The following POU6F2 variants were observed in gnomAD, a reference collection of about 807,000 sequenced individuals.
POU6F2 encodes POU domain, class 6, transcription factor 2.
Under a neutral mutation model 71.3 loss-of-function variants are expected in POU6F2, and 31 were observed. That is an observed-to-expected ratio of 0.43 (90% CI 0.33 to 0.59). The LOEUF (loss-of-function observed/expected upper bound fraction) is 0.59. Ranked by LOEUF, POU6F2 falls within the 20% of genes least tolerant of loss-of-function variation. The pLI, the probability that POU6F2 is intolerant of heterozygous loss-of-function variation, is 0.04. For synonymous variants in POU6F2, 347 were observed against 355.7 expected (o/e 0.98, Z 0.27); for missense variants, 783 against 856.8 (o/e 0.91, Z 1.07).
intron 4 of POU6F2, among the ~76,000 whole-genome samples, chr7:39,290,300 A>G (rs1402381065): frequency 1.3e-5 from 2 of 152,110 alleles, no homozygotes; most frequent in African/African-American, 4.8e-5. Flanking sequence ...TCTTGTTGCC[A>G]CAGCCTACCT....
At chr7:39,238,117 T>C (rs773189345) in intron 4 of POU6F2, among the ~76,000 whole-genome samples, 26 of 151,942 alleles carry the variant, frequency 1.7e-4, no homozygotes, top group Non-Finnish European at 1.9e-4. Flanking sequence ...CGCTCACGGG[T>C]CCCTAAATGT....
rs146546082 is a variant in POU6F2, at chr7:39,261,563, C to T, written c.598+53943C>T. On this transcript the variant is annotated intron_variant, in intron 4 of 9. Transcript: ENST00000518318. ...TCCTCAGGTAGGAACCGTTATCAAC[C>T]CTGTTTTACAGATGAGAAAACAGGC... Among the ~76,000 whole-genome samples the T allele has an allele frequency of 4.3e-3, 650 of 152,230 alleles. 14 individuals are homozygous for T. In the South Asian group the frequency reaches 0.049, roughly 11 times the overall value.
chr7:39,020,113 C>T (rs986864063), intron 1 of POU6F2, among the ~76,000 whole-genome samples: 1 of 152,104 alleles, frequency 6.6e-6, no homozygotes, highest in African/African-American at 2.4e-5. Flanking sequence ...CCCAGACCCC[C>T]CAAAAAAGCT....
intron 1 of POU6F2, among the ~76,000 whole-genome samples, chr7:39,015,438 A>G (rs1789454908): frequency 7.8e-6 from 1 of 127,494 alleles, no homozygotes; most frequent in African/African-American, 3.0e-5. Context: ...TATATAATAT[A>G]TAATCTAATA....
intron 1 of POU6F2, among the ~76,000 whole-genome samples, chr7:39,054,781 T>TA (rs35518758): frequency 0.88 from 122,825 of 140,120 alleles, 53,940 homozygotes; most frequent in East Asian, 0.98. Flanking sequence ...TGGAGACACT[T>TA]AAAAAAAAAA....
chr7:39,221,384 CTTT>C (rs33915153), intron 4 of POU6F2, among the ~76,000 whole-genome samples: 8 of 86,332 alleles, frequency 9.3e-5, no homozygotes, highest in Non-Finnish European at 1.3e-4. Flanking sequence ...CTCTCTCTCT[CTTT>C]TTTTTTTTTT....
intron 1 of POU6F2, among the ~76,000 whole-genome samples, chr7:39,030,500 C>CTA (rs58426134): frequency 0.15 from 6,815 of 45,820 alleles, 558 homozygotes; most frequent in Non-Finnish European, 0.19. Flanking sequence ...TCAAAAAATA[C>CTA]TATATATATA....
intron 1 of POU6F2, among the ~76,000 whole-genome samples, chr7:39,041,168 A>C (rs1465692489): frequency 6.6e-6 from 1 of 151,968 alleles, no homozygotes; most frequent in East Asian, 1.9e-4. Flanking sequence ...CCTTGTTCCA[A>C]GTCAGTACAT....
At chr7:39,306,041 G>A (rs1785041912) in intron 4 of POU6F2, among the ~76,000 whole-genome samples, 1 of 151,416 alleles carries the variant, frequency 6.6e-6, no homozygotes, top group South Asian at 2.1e-4. Context: ...ACTGTAGAGA[G>A]AAACATTCCA....
At chr7:39,362,327 T>G (rs1166488073) in intron 5 of POU6F2, among the ~76,000 whole-genome samples, 2 of 151,014 alleles carry the variant, frequency 1.3e-5, no homozygotes, top group Non-Finnish European at 2.9e-5. Context: ...TTTTTTATTC[T>G]AGCACATATA....
In POU6F2 at chr7:39,086,901, T is replaced by A. The variant is rs181714202; in HGVS notation, c.277+870T>A. ...AAGCACTTTAGGGTACAGAGTGACG[T>A]TAGGTTTTCAGAACAATTGCTCCTG... On this transcript the variant is annotated intron_variant, in intron 2 of 9. Coordinates refer to ENST00000518318, the MANE Select transcript of POU6F2 (RefSeq NM_001370959.1). Among the ~76,000 whole-genome samples the A allele has an allele frequency of 1.5e-4, 23 of 152,214 alleles. 1 individual carries two copies. The highest frequency in any genetic ancestry group is 4.3e-4 in the African/African-American group (18 of 41,544).
intron 4 of POU6F2, among the ~76,000 whole-genome samples, chr7:39,277,310 T>A (rs1784461608): frequency 6.6e-6 from 1 of 152,176 alleles, no homozygotes; most frequent in African/African-American, 2.4e-5. Context: ...CATGGGTATA[T>A]TGCGTGATGC....
At chr7:39,390,033 A>G (rs1787032752) in intron 5 of POU6F2, among the ~76,000 whole-genome samples, 1 of 152,152 alleles carries the variant, frequency 6.6e-6, no homozygotes, top group African/African-American at 2.4e-5. Flanking sequence ...TTGGAATGTA[A>G]AAGATGCTAC....
chr7:39,330,215 A>G (rs1022951656), intron 4 of POU6F2, among the ~76,000 whole-genome samples: 1 of 152,152 alleles, frequency 6.6e-6, no homozygotes, highest in Non-Finnish European at 1.5e-5. Flanking sequence ...ATTTCCTGCT[A>G]TGGAGTATGA....
intron 3 of POU6F2, among the ~76,000 whole-genome samples, chr7:39,205,563 T>C (rs906746507): frequency 5.9e-5 from 9 of 152,174 alleles, no homozygotes; most frequent in Non-Finnish European, 1.0e-4. Context: ...GCCTTCCCTC[T>C]TACCATAATA....
intron 4 of POU6F2, among the ~76,000 whole-genome samples, chr7:39,276,208 A>G (rs1344992224): frequency 6.6e-6 from 1 of 151,250 alleles, no homozygotes; most frequent in Admixed American, 6.6e-5. Flanking sequence ...TTTACAAGAA[A>G]AAAACAAACA....
chr7:39,409,930 A>G (rs955280204), intron 6 of POU6F2, among the ~76,000 whole-genome samples: 2 of 152,320 alleles, frequency 1.3e-5, no homozygotes, highest in East Asian at 3.9e-4. Context: ...TTGAGCAAAC[A>G]TGGAGGAAAA....
chr7:39,392,433 T>C (rs933389011), intron 5 of POU6F2, among the ~76,000 whole-genome samples: 14 of 152,180 alleles, frequency 9.2e-5, no homozygotes, highest in Non-Finnish European at 1.9e-4. Context: ...GAAAGCCCTT[T>C]CTTCCAGGTC....
At chr7:39,406,349 T>G in intron 5 of POU6F2, 1 of 493,350 alleles carries the variant, frequency 2.0e-6, no homozygotes, top group Non-Finnish European at 3.7e-6. Context: ...AAGTTCAGGC[T>G]CGTTCCCTCC....
Sources: allele counts gnomAD v4.1 joint callset (sites outside exome capture counted in the v4.1 genomes callset), GRCh38; gene constraint gnomAD v4.1.1; transcripts MANE v1.5; gene names NCBI Gene and HGNC (gene_info 2026-07-23, HGNC 2026-07-21).